The following SMOC1 variants were observed in gnomAD, a reference collection of about 807,000 sequenced individuals.
SMOC1 encodes SPARC-related modular calcium-binding protein 1.
Under a neutral mutation model 56.3 loss-of-function variants are expected in SMOC1, and 22 were observed. The ratio of observed to expected loss-of-function variants is 0.39; its 90% confidence interval spans 0.28 to 0.56. The LOEUF (loss-of-function observed/expected upper bound fraction) is 0.56, where lower values mean the gene tolerates loss of function less well. Ranked by LOEUF, SMOC1 falls within the 20% of genes least tolerant of loss-of-function variation. The pLI, the probability that SMOC1 is intolerant of heterozygous loss-of-function variation, is 0.61. For synonymous variants in SMOC1, 193 were observed against 215.0 expected (o/e 0.90, Z 0.89); for missense variants, 509 against 565.4 (o/e 0.90, Z 1.01).
At chr14:69,991,764 T>C (rs1884576235) in intron 5 of SMOC1, among the ~76,000 whole-genome samples, 1 of 152,176 alleles carries the variant, frequency 6.6e-6, no homozygotes, top group Non-Finnish European at 1.5e-5. Flanking sequence ...CTCCCTCTTA[T>C]TGGGAATTGG....
chr14:69,882,130 C>G (rs1192092667), intron 1 of SMOC1, among the ~76,000 whole-genome samples: 6 of 152,178 alleles, frequency 3.9e-5, no homozygotes, highest in African/African-American at 1.4e-4. Context: ...TGAATTTCAA[C>G]CTATCCCCAA....
chr14:69,939,535 A>G (rs1218711745), intron 1 of SMOC1, among the ~76,000 whole-genome samples: 2 of 152,188 alleles, frequency 1.3e-5, no homozygotes, highest in Non-Finnish European at 2.9e-5. Flanking sequence ...TGTCATCTTT[A>G]TGGAAAACCA....
At chr14:69,976,426 AG>A (rs1883956734) in intron 4 of SMOC1, among the ~76,000 whole-genome samples, 1 of 152,196 alleles carries the variant, frequency 6.6e-6, no homozygotes, top group Non-Finnish European at 1.5e-5. Context: ...GGGAGACCTG[AG>A]GTCTTTGTTT....
intron 4 of SMOC1, 92 bp downstream of exon 4, chr14:69,975,906 T>C: frequency 2.4e-6 from 2 of 847,728 alleles, no homozygotes; most frequent in Non-Finnish European, 3.9e-6. Flanking sequence ...TTTAGAAGGT[T>C]GATGGTGGTG....
intron 3 of SMOC1, among the ~76,000 whole-genome samples, chr14:69,970,216 C>A (rs1883708894): frequency 1.3e-5 from 2 of 152,090 alleles, no homozygotes; most frequent in South Asian, 4.1e-4. Flanking sequence ...TACATGACCC[C>A]AAAGAGTTCT....
chr14:69,890,462 A>G (rs1392788836), intron 1 of SMOC1, among the ~76,000 whole-genome samples: 2 of 152,234 alleles, frequency 1.3e-5, no homozygotes, highest in Non-Finnish European at 2.9e-5. Context: ...AATTTCCAAG[A>G]GATGCATTTT....
At chr14:70,017,148 C>G (rs116627091) in intron 10 of SMOC1, among the ~76,000 whole-genome samples, 1 of 152,154 alleles carries the variant, frequency 6.6e-6, no homozygotes, top group Non-Finnish European at 1.5e-5. Context: ...ATCCCTGTCT[C>G]GATAAGACCT....
At chr14:69,977,626 A>G (rs1884014020) in intron 4 of SMOC1, among the ~76,000 whole-genome samples, 1 of 152,182 alleles carries the variant, frequency 6.6e-6, no homozygotes, top group Non-Finnish European at 1.5e-5. Context: ...ATATTCAACT[A>G]GGGAGTTATA....
intron 3 of SMOC1, among the ~76,000 whole-genome samples, chr14:69,954,472 C>T (rs571129912): frequency 1.3e-5 from 2 of 152,318 alleles, no homozygotes; most frequent in Admixed American, 1.3e-4. Flanking sequence ...CTGGCCTTGG[C>T]ACAGACTATT....
intron 7 of SMOC1, among the ~76,000 whole-genome samples, chr14:70,000,025 G>T (rs987103043): frequency 1.3e-5 from 2 of 152,158 alleles, no homozygotes; most frequent in Non-Finnish European, 2.9e-5. Context: ...TTTGGCCTCT[G>T]CTGCTAAGAC....
chr14:70,013,967 A>T (rs1416589748), intron 10 of SMOC1, among the ~76,000 whole-genome samples: 1 of 152,220 alleles, frequency 6.6e-6, no homozygotes, highest in African/African-American at 2.4e-5. Context: ...ACACTCATAT[A>T]GCCAAATACA....
At chr14:70,013,829 A>G (rs545149014) in intron 10 of SMOC1, among the ~76,000 whole-genome samples, 1 of 152,200 alleles carries the variant, frequency 6.6e-6, no homozygotes, top group Non-Finnish European at 1.5e-5. Context: ...TGATGGTTAT[A>G]TCATGGGAAC....
chr14:69,933,843 T>C (rs573899696), intron 1 of SMOC1, among the ~76,000 whole-genome samples: 37 of 152,350 alleles, frequency 2.4e-4, no homozygotes, highest in Admixed American at 1.2e-3. Flanking sequence ...TCACAAAATA[T>C]ACGAACTTTG....
intron 1 of SMOC1, among the ~76,000 whole-genome samples, chr14:69,904,522 G>C (rs924000533): frequency 2.6e-5 from 4 of 152,208 alleles, no homozygotes; most frequent in Admixed American, 2.6e-4. Flanking sequence ...TTTAGCACTT[G>C]GCATTCCTCA....
chr14:69,905,257 T>G (rs1386287949), intron 1 of SMOC1, among the ~76,000 whole-genome samples: 1 of 151,940 alleles, frequency 6.6e-6, no homozygotes, highest in Non-Finnish European at 1.5e-5. Flanking sequence ...TAGCAGGAAT[T>G]TCTAAGGCAG....
rs1886131430 is a variant in SMOC1, at chr14:70,031,008, C to T, written c.*750C>T. On this transcript the variant is annotated 3_prime_UTR_variant, in exon 12 of 12. Transcript: ENST00000361956. The stretch of plus-strand genomic sequence containing the variant: ...CCGGCTCTCAGAGGGTCCGTGCATT[C>T]CTGCTCTCCGGACCCCCAAAGGGCC... The T allele has an allele frequency of 6.6e-6, 1 of 152,188 alleles. No individual in the cohort carries two copies. The highest frequency in any genetic ancestry group is 1.5e-5 in the Non-Finnish European group (1 of 68,064). The allele number at this position is 152,188 out of a possible 1,614,324, so 9.4% of individuals were successfully genotyped here.
intron 1 of SMOC1, among the ~76,000 whole-genome samples, chr14:69,949,094 A>AG (rs1882899965): frequency 6.6e-6 from 1 of 152,214 alleles, no homozygotes; most frequent in Non-Finnish European, 1.5e-5. Flanking sequence ...CCTGCCCTCC[A>AG]GGGAGGTCAG....
intron 5 of SMOC1, among the ~76,000 whole-genome samples, chr14:69,991,738 T>C (rs951235752): frequency 6.6e-6 from 1 of 152,208 alleles, no homozygotes; most frequent in Non-Finnish European, 1.5e-5. Context: ...CCATGTCCTC[T>C]CCCATTTTGC....
At chr14:69,999,267 C>G (rs765152818) in intron 7 of SMOC1, among the ~76,000 whole-genome samples, 14 of 150,706 alleles carry the variant, frequency 9.3e-5, no homozygotes, top group Non-Finnish European at 1.8e-4. Flanking sequence ...GCTGGGATAG[C>G]TGCTATGACT....
Sources: gnomAD v4.1 joint callset for allele counts (sites outside exome capture counted in the v4.1 genomes callset) on GRCh38, gnomAD v4.1.1 for gene constraint, MANE v1.5 for transcripts, NCBI Gene and HGNC (gene_info 2026-07-23, HGNC 2026-07-21) for gene names.